The following SCN11A variants were observed in gnomAD, a reference collection of about 807,000 sequenced individuals.
The protein encoded by SCN11A is sodium channel protein type 11 subunit alpha.
In SCN11A, 122 loss-of-function variants were observed where a neutral mutation model predicts 162.2. The observed-to-expected ratio is 0.75, with a 90% CI of 0.65 to 0.87. The LOEUF (loss-of-function observed/expected upper bound fraction) is 0.87. Ranked by LOEUF, SCN11A falls within the 40% of genes least tolerant of loss-of-function variation. SCN11A has a pLI of 0.00. For synonymous variants in SCN11A, 758 were observed against 751.5 expected, an observed-to-expected ratio of 1.01 and a Z score of -0.14; for missense variants, 2,015 against 2,181.6, an observed-to-expected ratio of 0.92 and a Z score of 1.52.
intron 15 of SCN11A, 104 bp downstream of exon 15, chr3:38,905,088 C>A: frequency 6.6e-7 from 1 of 1,506,232 alleles, no homozygotes; most frequent in South Asian, 1.1e-5. Context: ...GGGTTGGTTC[C>A]AAAACAGCCT....
chr3:38,952,510 G>A (rs564788470), intron 4 of SCN11A, among the ~76,000 whole-genome samples: 1 of 152,290 alleles, frequency 6.6e-6, no homozygotes, highest in East Asian at 1.9e-4. Flanking sequence ...TTCTAGGCAT[G>A]GTGCTAGGCA....
chr3:38,922,836 G>A (rs1242403130), intron 9 of SCN11A, among the ~76,000 whole-genome samples: 5 of 152,144 alleles, frequency 3.3e-5, no homozygotes, highest in Non-Finnish European at 7.3e-5. Context: ...TTGGGGCCAT[G>A]CGGTATAGTT....
intron 6 of SCN11A, among the ~76,000 whole-genome samples, 161 bp from the exon 7 acceptor site, chr3:38,945,673 G>A (rs973982341): frequency 6.6e-6 from 1 of 152,154 alleles, no homozygotes; most frequent in Non-Finnish European, 1.5e-5. Flanking sequence ...CCCCTCCTGT[G>A]GAGAATTGTC....
Position 38,921,155 on chromosome 3 carries a change from A to T in SCN11A, c.813T>A (p.Gly271=), listed in dbSNP as rs954596024. ...TCAGACTTCCCATGAAGAGCTGCTG[A>T]CCTACCAGGGCAAAGATGCTGAGGC... ...FFCLSIFALV[G]QQLFMGSLNL... The change falls in exon 10 of 30, where the codon GGT becomes GGA. Residue 271 remains glycine (G), a synonymous_variant. Transcript: ENST00000302328. 6.2e-7 allele frequency: 1 copy of T among 1,614,120 alleles called. No homozygotes were observed. Among genetic ancestry groups the T allele is most frequent in the Non-Finnish European group, 8.5e-7 (1 of 1,179,978 alleles).
chr3:38,867,507 A>C, intron 26 of SCN11A, 49 bp from the exon 27 acceptor site: 5 of 1,455,496 alleles, frequency 3.4e-6, no homozygotes, highest in Non-Finnish European at 3.8e-6. Flanking sequence ...CTGGAGAAAA[A>C]TATAAGCATT....
chr3:38,891,869 T>C (rs1320574853), intron 19 of SCN11A, among the ~76,000 whole-genome samples: 1 of 152,184 alleles, frequency 6.6e-6, no homozygotes, highest in Non-Finnish European at 1.5e-5. Context: ...TGGGAATTAA[T>C]TCTCCAACAT....
intron 2 of SCN11A, among the ~76,000 whole-genome samples, chr3:38,973,256 T>C (rs2066828383): frequency 6.6e-6 from 1 of 152,240 alleles, no homozygotes; most frequent in Non-Finnish European, 1.5e-5. Flanking sequence ...AAAATGTTTT[T>C]AATTGCTATA....
chr3:38,964,815 T>A (rs2066771421), intron 2 of SCN11A, among the ~76,000 whole-genome samples: 2 of 152,144 alleles, frequency 1.3e-5, no homozygotes, highest in Admixed American at 6.5e-5. Context: ...CACCAAGGAG[T>A]TCAAACCTAA....
intron 11 of SCN11A, among the ~76,000 whole-genome samples, chr3:38,915,251 T>C (rs2065943424): frequency 6.6e-6 from 1 of 152,148 alleles, no homozygotes. Flanking sequence ...GAGGTGTTTT[T>C]AGCAGTTTTT....
chr3:39,044,883 G>C (rs2032147460), intron 1 of SCN11A, among the ~76,000 whole-genome samples: 1 of 151,238 alleles, frequency 6.6e-6, no homozygotes, highest in Non-Finnish European at 1.5e-5. Context: ...AAAGTTTTTT[G>C]AAAAGATAAT....
At chr3:38,996,719 C>T (rs539120960) in intron 2 of SCN11A, among the ~76,000 whole-genome samples, 16 of 152,198 alleles carry the variant, frequency 1.1e-4, no homozygotes, top group Admixed American at 8.5e-4. Flanking sequence ...CGGTATATTG[C>T]GAAGATGGCA....
At chr3:39,051,023 C>T (rs1000449493) in intron 1 of SCN11A, among the ~76,000 whole-genome samples, 1 of 152,116 alleles carries the variant, frequency 6.6e-6, no homozygotes, top group African/African-American at 2.4e-5. Context: ...TCAAACCTAA[C>T]TGTTCCAGTA....
intron 27 of SCN11A, among the ~76,000 whole-genome samples, chr3:38,864,709 A>C (rs539337598): frequency 1.3e-5 from 2 of 152,166 alleles, no homozygotes; most frequent in Non-Finnish European, 2.9e-5. Context: ...ACAAAGAAAC[A>C]AACAGTTTTT....
intron 6 of SCN11A, among the ~76,000 whole-genome samples, chr3:38,946,468 TA>T (rs1305468848): frequency 3.3e-5 from 5 of 152,234 alleles, no homozygotes; most frequent in Admixed American, 1.3e-4. Context: ...GGTGTCAGCT[TA>T]GATGCACCTT....
chr3:38,850,461 T>G lies in SCN11A; in HGVS notation c.4327+20A>C. The G allele has an allele frequency of 6.2e-7, 1 of 1,604,116 alleles. No individual in the cohort carries two copies. Among genetic ancestry groups the G allele is most frequent in the Non-Finnish European group, 8.5e-7 (1 of 1,173,420 alleles). On this transcript the variant is annotated intron_variant, in intron 29 of 29. Coordinates refer to ENST00000302328, the MANE Select transcript of SCN11A (RefSeq NM_001349253.2). ...TTACTTCTGGTTCTTAAAGTCCCTC[T>G]GACTGCTGATTTTACTTACTAACAA...
chr3:38,938,964 TC>T (rs1194209282), intron 7 of SCN11A, among the ~76,000 whole-genome samples: 1 of 151,772 alleles, frequency 6.6e-6, no homozygotes, highest in African/African-American at 2.4e-5. Context: ...ATCACTTGAG[TC>T]CAGGAGTTCA....
At chr3:39,005,007 C>CT (rs1047488579) in intron 2 of SCN11A, among the ~76,000 whole-genome samples, 44 of 152,282 alleles carry the variant, frequency 2.9e-4, no homozygotes, top group African/African-American at 1.0e-3. Context: ...GCTCACAACT[C>CT]TAAGGATTTC....
chr3:39,011,587 T>C (rs753474093), intron 2 of SCN11A, among the ~76,000 whole-genome samples: 4 of 152,236 alleles, frequency 2.6e-5, no homozygotes, highest in Non-Finnish European at 4.4e-5. Flanking sequence ...GATATTATCT[T>C]TAGTTTCTAT....
chr3:38,861,608 T>C (rs2064965376), intron 28 of SCN11A, among the ~76,000 whole-genome samples: 1 of 152,120 alleles, frequency 6.6e-6, no homozygotes, highest in Admixed American at 6.6e-5. Flanking sequence ...AGCCAATTGA[T>C]CTTTGGCAAA....
Sources: allele counts gnomAD v4.1 joint callset (sites outside exome capture counted in the v4.1 genomes callset), GRCh38; gene constraint gnomAD v4.1.1; transcripts MANE v1.5; gene names NCBI Gene and HGNC (gene_info 2026-07-23, HGNC 2026-07-21).